FGD3: variants seen among roughly 807,000 people sequenced by gnomAD.
FGD3 encodes FYVE, RhoGEF and PH domain-containing protein 3.
FGD3 carries 45 observed loss-of-function variants against 71.8 expected under a neutral mutation model. That is an observed-to-expected ratio of 0.63 (90% CI 0.49 to 0.80). The LOEUF is 0.80. Ranked by LOEUF, FGD3 falls within the 30% of genes least tolerant of loss-of-function variation. The pLI is 0.00. For missense variants in FGD3, 844 were observed against 951.5 expected (o/e 0.89, Z 1.49); for synonymous variants, 378 against 392.8 (o/e 0.96, Z 0.44).
At chr9:93,018,046 T>C in intron 10 of FGD3, 90 bp from the exon 11 acceptor site, 1 of 1,277,722 alleles carries the variant, frequency 7.8e-7, no homozygotes, top group Non-Finnish European at 1.1e-6. Flanking sequence ...TGTTACCTCC[T>C]TGGGGAAACA....
intron 8 of FGD3, among the ~76,000 whole-genome samples, 167 bp downstream of exon 8, chr9:93,011,439 G>A (rs539972944): frequency 5.3e-5 from 8 of 152,256 alleles, no homozygotes; most frequent in Admixed American, 2.0e-4. Flanking sequence ...GGACAGCCCC[G>A]CCCCTTGCTA....
At chr9:92,978,310 T>G (rs2118584725) in intron 3 of FGD3, among the ~76,000 whole-genome samples, 1 of 150,524 alleles carries the variant, frequency 6.6e-6, no homozygotes, top group African/African-American at 2.4e-5. Flanking sequence ...GAATAAACTA[T>G]ATTCTAATAG....
At chr9:93,018,994 C>T (rs773254087) in intron 11 of FGD3, among the ~76,000 whole-genome samples, 23 of 152,096 alleles carry the variant, frequency 1.5e-4, no homozygotes, top group Non-Finnish European at 2.5e-4. Context: ...TACAGGCACC[C>T]GCCACCACGC....
At chr9:93,034,769 G>C in intron 17 of FGD3, 88 bp downstream of exon 17, 1 of 1,427,378 alleles carries the variant, frequency 7.0e-7, no homozygotes. Flanking sequence ...GCCACCAGCT[G>C]GGGTCCACCT....
chr9:92,966,852 T>G (rs1003201149), intron 1 of FGD3, among the ~76,000 whole-genome samples: 3 of 152,182 alleles, frequency 2.0e-5, no homozygotes, highest in African/African-American at 7.2e-5. Flanking sequence ...TGGTGCAAAT[T>G]CAAAAAACTT....
chr9:92,966,330 G>T (rs918158684), intron 1 of FGD3, among the ~76,000 whole-genome samples: 1 of 152,202 alleles, frequency 6.6e-6, no homozygotes, highest in African/African-American at 2.4e-5. Flanking sequence ...ACCTGTGCCC[G>T]TGGTGCCTCC....
At chr9:92,986,871 G>A (rs1281103031) in intron 3 of FGD3, among the ~76,000 whole-genome samples, 2 of 152,244 alleles carry the variant, frequency 1.3e-5, no homozygotes, top group South Asian at 2.1e-4. Context: ...ATCCGAGCTG[G>A]TAGGGTAAAA....
intron 15 of FGD3, 41 bp from the exon 16 acceptor site, chr9:93,032,728 G>C (rs1348511187): frequency 6.3e-7 from 1 of 1,592,204 alleles, no homozygotes; most frequent in Admixed American, 1.7e-5. Context: ...ATAATCCTCT[G>C]TCCCAGGGTG....
chr9:92,999,195 G>A (rs764704106), intron 3 of FGD3, among the ~76,000 whole-genome samples: 15 of 152,166 alleles, frequency 9.9e-5, no homozygotes, highest in Non-Finnish European at 1.5e-4. Flanking sequence ...CCCCAGCCTC[G>A]CTGCTGCCTT....
Position 93,003,953 on chromosome 9 carries a change from C to T in FGD3, c.544-48C>T. ...TGGCCGAAGCGGGGCGGCAACTGTG[C>T]TCAGTGGAAGAGGCTCACTGGCCAC... On this transcript the variant is annotated intron_variant, in intron 4 of 17. Transcript: ENST00000375482. This position sits in a 1 kb window ranked among gnomAD's most constrained non-coding sequence, Gnocchi z 4.1. The T allele has an allele frequency of 6.2e-7, 1 of 1,609,084 alleles. No homozygotes were observed. Among genetic ancestry groups the T allele is most frequent in the Non-Finnish European group, 8.5e-7 (1 of 1,176,926 alleles).
chr9:93,006,291 C>T (rs1861051898), intron 6 of FGD3, 111 bp downstream of exon 6: 1 of 1,157,558 alleles, frequency 8.6e-7, no homozygotes. Flanking sequence ...CAAAAAGTAA[C>T]ATGACATTAC....
chr9:93,003,073 G>C lies in FGD3; in HGVS notation c.543+59G>C, dbSNP rs780434476. 2.4e-5 allele frequency: 36 copies of C among 1,489,448 alleles called. 1 individual carries two copies. Among genetic ancestry groups the C allele is most frequent in the Middle Eastern group, 1.8e-4 (1 of 5,616 alleles). The allele number at this position is 1,489,448 out of a possible 1,614,324, so 92.3% of individuals were successfully genotyped here. On this transcript the variant is annotated intron_variant, in intron 4 of 17. Coordinates refer to ENST00000375482, the MANE Select transcript of FGD3 (RefSeq NM_001083536.2). This position sits in a 1 kb window ranked among gnomAD's most constrained non-coding sequence, Gnocchi z 4.1. Reference sequence around the variant, plus strand: ...CTCTTAGCATTGGCTGGGCATTATAGGTGCAGTGTGAATGACTTAAATACT... The same window carrying C: ...CTCTTAGCATTGGCTGGGCATTATACGTGCAGTGTGAATGACTTAAATACT...
intron 7 of FGD3, 100 bp downstream of exon 7, chr9:93,010,484 G>A (rs1861276901): frequency 3.1e-6 from 4 of 1,293,298 alleles, no homozygotes; most frequent in Non-Finnish European, 4.1e-6. Context: ...GGTCATGGGG[G>A]TAGGGGAGAG....
intron 1 of FGD3, among the ~76,000 whole-genome samples, chr9:92,961,488 T>G (rs1434674079): frequency 6.6e-6 from 1 of 152,208 alleles, no homozygotes; most frequent in Non-Finnish European, 1.5e-5. Context: ...AATTGGAATA[T>G]GTGTTGATAC....
intron 1 of FGD3, among the ~76,000 whole-genome samples, chr9:92,952,233 ATTTT>A (rs35969028): frequency 7.8e-6 from 1 of 127,788 alleles, no homozygotes. Flanking sequence ...TTGAAAGTCA[ATTTT>A]TTTTTTTTTT....
At chr9:92,987,573 G>C (rs772537668) in intron 3 of FGD3, among the ~76,000 whole-genome samples, 2 of 152,152 alleles carry the variant, frequency 1.3e-5, no homozygotes, top group Non-Finnish European at 2.9e-5. Context: ...ACTCAGTGCA[G>C]ACTCCAAGGT....
intron 3 of FGD3, among the ~76,000 whole-genome samples, chr9:92,984,960 A>G (rs1451966185): frequency 6.6e-6 from 1 of 152,042 alleles, no homozygotes; most frequent in Non-Finnish European, 1.5e-5. Context: ...CTCCAGAGTC[A>G]CCCTTGGCTT....
intron 11 of FGD3, among the ~76,000 whole-genome samples, chr9:93,018,710 A>C (rs749658292): frequency 1.3e-5 from 2 of 152,178 alleles, no homozygotes; most frequent in African/African-American, 2.4e-5. Flanking sequence ...CAGAAGGGTC[A>C]ATTTGTATGT....
chr9:92,955,734 T>C (rs1005428744), intron 1 of FGD3, among the ~76,000 whole-genome samples: 1 of 152,158 alleles, frequency 6.6e-6, no homozygotes. Context: ...GTCCACCTGC[T>C]CCCTGCCTGC....
Sources: gnomAD v4.1 joint callset for allele counts (sites outside exome capture counted in the v4.1 genomes callset) on GRCh38, gnomAD v4.1.1 for gene constraint, Gnocchi (gnomAD v3.1) non-coding constraint, MANE v1.5 for transcripts, NCBI Gene and HGNC (gene_info 2026-07-23, HGNC 2026-07-21) for gene names.